The following PCSK5 variants were observed in gnomAD, a reference collection of about 807,000 sequenced individuals.
PCSK5 encodes the protein proprotein convertase subtilisin/kexin type 5.
Under a neutral mutation model 233.2 loss-of-function variants are expected in PCSK5, and 129 were observed. The ratio of observed to expected loss-of-function variants is 0.55; its 90% CI spans 0.48 to 0.64. The LOEUF is 0.64. Ranked by LOEUF, PCSK5 falls within the 30% of genes least tolerant of loss-of-function variation. PCSK5 has a pLI of 0.00. For missense variants in PCSK5, 2,076 were observed against 2,430.1 expected (o/e 0.85, Z 3.06); for synonymous variants, 825 against 879.2 (o/e 0.94, Z 1.09).
chr9:76,354,016 T>C lies in PCSK5; in HGVS notation c.5068-17T>C, dbSNP rs779865342. The C allele has an allele frequency of 6.3e-7, 1 of 1,591,224 alleles. No individual in the cohort carries two copies. Among genetic ancestry groups the C allele is most frequent in the South Asian group, 1.1e-5 (1 of 87,158 alleles). ...TCCCTTTACACTCAAAAGGAACCTC[T>C]TGATTGCTCTTAACAGGGAGAGAAG... is the stretch of plus-strand genomic sequence containing the variant. On this transcript the variant is annotated splice_polypyrimidine_tract_variant and intron_variant, in intron 36 of 37. Transcript: ENST00000674117.
chr9:76,292,325 A>G, intron 25 of PCSK5, 50 bp downstream of exon 25: 1 of 1,126,132 alleles, frequency 8.9e-7, no homozygotes, highest in Non-Finnish European at 1.4e-6. Context: ...CAGTTTAAGC[A>G]TTACTGACAT....
At chr9:76,258,240 A>C (rs554838109) in intron 24 of PCSK5, among the ~76,000 whole-genome samples, 34 of 152,310 alleles carry the variant, frequency 2.2e-4, no homozygotes, top group African/African-American at 7.9e-4. Context: ...ATTTATCATC[A>C]TGGTAGAATT....
chr9:76,302,333 A>C, intron 28 of PCSK5, 116 bp downstream of exon 28: 3 of 384,182 alleles, frequency 7.8e-6, no homozygotes, highest in Non-Finnish European at 1.5e-5. Flanking sequence ...GGGTGCAGAG[A>C]TGCAGAGGTC....
intron 1 of PCSK5, 112 bp from the exon 2 acceptor site, chr9:75,932,267 T>C: frequency 4.5e-6 from 3 of 667,274 alleles, no homozygotes; most frequent in Non-Finnish European, 7.9e-6. Flanking sequence ...GCATAATTTA[T>C]GGACCTTTTT....
chr9:75,978,355 T>C (rs1826118813), intron 2 of PCSK5, among the ~76,000 whole-genome samples: 1 of 152,234 alleles, frequency 6.6e-6, no homozygotes, highest in Admixed American at 6.5e-5. Flanking sequence ...TACTAAGTAC[T>C]TTGGGAGCTT....
chr9:76,271,076 C>T (rs556799142), intron 24 of PCSK5, among the ~76,000 whole-genome samples: 4 of 152,222 alleles, frequency 2.6e-5, no homozygotes, highest in Non-Finnish European at 4.4e-5. Context: ...AATACTGCAC[C>T]GTTCAGCTGC....
At chr9:76,147,930 A>C (rs972844113) in intron 10 of PCSK5, among the ~76,000 whole-genome samples, 1 of 152,010 alleles carries the variant, frequency 6.6e-6, no homozygotes, top group Admixed American at 6.5e-5. Flanking sequence ...GTAAAGGGGG[A>C]GAAAAGAAAA....
At chr9:76,099,458 A>G (rs1322825329) in intron 8 of PCSK5, among the ~76,000 whole-genome samples, 1 of 152,184 alleles carries the variant, frequency 6.6e-6, no homozygotes, top group Non-Finnish European at 1.5e-5. Flanking sequence ...GCTTTCTGCA[A>G]CCTGGGAGGT....
intron 24 of PCSK5, among the ~76,000 whole-genome samples, chr9:76,272,021 G>A (rs1307140734): frequency 1.3e-5 from 2 of 152,126 alleles, no homozygotes; most frequent in East Asian, 3.9e-4. Context: ...GATTACATCT[G>A]CAAAGACCCT....
chr9:76,240,488 G>C, intron 23 of PCSK5, 128 bp from the exon 24 acceptor site: 1 of 692,940 alleles, frequency 1.4e-6, no homozygotes, highest in Non-Finnish European at 2.6e-6. Flanking sequence ...CTCGAGGACG[G>C]TTTTGGGCTT....
rs547489704 is a variant in PCSK5 at position 75,890,715 on chromosome 9, G to T, written c.-467G>T. 1.7e-3 allele frequency: 259 copies of T among 156,916 alleles called. 1 individual carries two copies. Among genetic ancestry groups the T allele is most frequent in the African/African-American group, 6.0e-3 (252 of 41,754 alleles). 9.7% of individuals were successfully genotyped at this position (156,916 alleles called of 1,614,324 possible). A position where few individuals can be genotyped will look rare whatever the true frequency, so the allele number is the denominator to read the frequency against. On this transcript the variant is annotated 5_prime_UTR_variant, in exon 1 of 38. Transcript: ENST00000674117. ...CGCGCTGCTCGGAGCCGGAGGGAGC[G>T]CTGGGAGCGAGCAAGCGAGCGTTTG...
At chr9:76,096,460 C>A (rs549022902) in intron 8 of PCSK5, among the ~76,000 whole-genome samples, 1 of 152,100 alleles carries the variant, frequency 6.6e-6, no homozygotes, top group South Asian at 2.1e-4. Flanking sequence ...GTTTCCGCAC[C>A]GACTTTTAAC....
At chr9:76,068,096 C>A in intron 6 of PCSK5, 53 bp downstream of exon 6, 2 of 1,263,404 alleles carry the variant, frequency 1.6e-6, no homozygotes, top group Non-Finnish European at 2.3e-6. Context: ...AGCTCTTTGG[C>A]TGACTGGCTT....
At chr9:76,280,693 A>G (rs1827836874) in intron 24 of PCSK5, among the ~76,000 whole-genome samples, 1 of 151,944 alleles carries the variant, frequency 6.6e-6, no homozygotes, top group Non-Finnish European at 1.5e-5. Context: ...CCATGATCAC[A>G]CCACTGCACT....
At chr9:76,130,261 G>A (rs7035578) in intron 9 of PCSK5, among the ~76,000 whole-genome samples, 19,228 of 152,108 alleles carry the variant, frequency 0.13, 1,288 homozygotes, top group Admixed American at 0.15. Flanking sequence ...GAGAGTGTGT[G>A]TACAAAGTGT....
In PCSK5 at chr9:76,358,692, C is replaced by G; in HGVS notation, c.5434C>G (p.Pro1812Ala). 6.2e-7 allele frequency: 1 copy of G among 1,612,794 alleles called. No individual in the cohort carries two copies. Among genetic ancestry groups the G allele is most frequent in the Non-Finnish European group, 8.5e-7 (1 of 1,179,884 alleles). Residue 1812 changes from proline to alanine, a missense_variant, in exon 38 of 38, where the codon CCC becomes GCC. Physicochemically the swap from Pro to Ala is conservative, Grantham distance 27. Transcript: ENST00000674117. ...AKAGYEKLAD[P>A]NKSYSSYKSS... Reference sequence around the variant, plus strand: ...GGCCGGCTATGAAAAACTGGCCGACCCCAACAAGTCTTACTCCTCCTATAA... The same window carrying G: ...GGCCGGCTATGAAAAACTGGCCGACGCCAACAAGTCTTACTCCTCCTATAA...
intron 14 of PCSK5, among the ~76,000 whole-genome samples, chr9:76,176,857 G>A (rs759055875): frequency 1.1e-4 from 17 of 152,106 alleles, no homozygotes; most frequent in Non-Finnish European, 7.4e-5. Flanking sequence ...CAGCCTTATC[G>A]TCTACAAATT....
At chr9:76,308,877 A>G in intron 29 of PCSK5, 149 bp downstream of exon 29, 1 of 603,906 alleles carries the variant, frequency 1.7e-6, no homozygotes, top group Non-Finnish European at 2.9e-6. Context: ...GGAGACACAC[A>G]GGGACCCAAA....
At chr9:76,054,881 C>T (rs989811571) in intron 5 of PCSK5, among the ~76,000 whole-genome samples, 1 of 152,054 alleles carries the variant, frequency 6.6e-6, no homozygotes, top group African/African-American at 2.4e-5. Flanking sequence ...TTTAACTCAC[C>T]ATAAGAAATA....
Sources: gnomAD v4.1 joint callset for allele counts (sites outside exome capture counted in the v4.1 genomes callset) on GRCh38, gnomAD v4.1.1 for gene constraint, MANE v1.5 for transcripts, NCBI Gene and HGNC (gene_info 2026-07-23, HGNC 2026-07-21) for gene names.